MGAT4C: variants seen among roughly 807,000 people sequenced by gnomAD.
MGAT4C encodes the protein alpha-1,3-mannosyl-glycoprotein 4-beta-N-acetylglucosaminyltransferase C.
In MGAT4C, 19 loss-of-function variants were observed where a neutral mutation model predicts 40.1. The observed-to-expected ratio is 0.47, with a 90% CI of 0.33 to 0.70. The LOEUF is 0.70. Ranked by LOEUF, MGAT4C falls within the 30% of genes least tolerant of loss-of-function variation. The pLI, the probability that MGAT4C is intolerant of heterozygous loss-of-function variation, is 0.02. For missense variants in MGAT4C, 491 were observed against 563.2 expected, an observed-to-expected ratio of 0.87 and a Z score of 1.30; for synonymous variants, 181 against 187.1, an observed-to-expected ratio of 0.97 and a Z score of 0.27.
intron 3 of MGAT4C, among the ~76,000 whole-genome samples, chr12:86,354,376 G>C (rs540453930): frequency 2.6e-4 from 39 of 152,230 alleles, no homozygotes; most frequent in African/African-American, 9.1e-4. Context: ...ACTAGGCATA[G>C]CTCAACTACT....
chr12:86,509,590 C>T (rs1164037389), intron 2 of MGAT4C, among the ~76,000 whole-genome samples: 1 of 152,000 alleles, frequency 6.6e-6, no homozygotes, highest in East Asian at 1.9e-4. Flanking sequence ...TTTTCCAATT[C>T]TGTGAAGAAA....
intron 2 of MGAT4C, among the ~76,000 whole-genome samples, chr12:86,704,354 AC>A (rs1950419086): frequency 6.6e-6 from 1 of 152,020 alleles, no homozygotes; most frequent in South Asian, 2.1e-4. Context: ...CTTACCTTTG[AC>A]CAAAATACAA....
intron 1 of MGAT4C, among the ~76,000 whole-genome samples, chr12:86,194,867 C>T (rs1477484334): frequency 2.6e-5 from 4 of 152,152 alleles, no homozygotes; most frequent in Admixed American, 6.5e-5. Flanking sequence ...CAGTTGAAAG[C>T]CTGAAGTGTT....
At chr12:86,049,064 A>G (rs2136962053) in intron 2 of MGAT4C, among the ~76,000 whole-genome samples, 1 of 152,212 alleles carries the variant, frequency 6.6e-6, no homozygotes, top group Non-Finnish European at 1.5e-5. Flanking sequence ...GCAGATAGAC[A>G]AGGTGTAAAG....
chr12:86,525,488 T>C (rs1958865314), intron 2 of MGAT4C, among the ~76,000 whole-genome samples: 4 of 152,208 alleles, frequency 2.6e-5, no homozygotes, highest in African/African-American at 9.6e-5. Context: ...AGAGGTAGTG[T>C]GGTTGTTTGG....
intron 4 of MGAT4C, among the ~76,000 whole-genome samples, chr12:86,287,438 G>C (rs1953382119): frequency 6.6e-6 from 1 of 151,592 alleles, no homozygotes; most frequent in African/African-American, 2.4e-5. Flanking sequence ...AACGTGCCAT[G>C]GTGGTTTGCT....
intron 4 of MGAT4C, chr12:86,334,022 T>A (rs753892600): frequency 6.6e-6 from 1 of 152,154 alleles, no homozygotes; most frequent in Non-Finnish European, 1.5e-5. Context: ...AGGACAGTTA[T>A]ATAGCATAGT....
At chr12:86,421,872 A>T (rs1275270588) in intron 3 of MGAT4C, among the ~76,000 whole-genome samples, 1 of 152,220 alleles carries the variant, frequency 6.6e-6, no homozygotes. Context: ...CTGGTATATG[A>T]TCAAGGAAAT....
intron 2 of MGAT4C, among the ~76,000 whole-genome samples, chr12:86,550,810 C>A (rs1959317204): frequency 6.6e-6 from 1 of 152,176 alleles, no homozygotes. Context: ...TCTGAGTTAC[C>A]AAGCAGTTGA....
In MGAT4C at chr12:86,362,978, G is replaced by C. The variant is rs535873934; in HGVS notation, c.-119-28851C>G. ...AAGGCAAACAATATAAAGACCAAAG[G>C]GTCAATTCATTAAGAAGTAATAGTA... On this transcript the variant is annotated intron_variant, in intron 3 of 7. Coordinates refer to the MGAT4C transcript ENST00000548651. Among the ~76,000 whole-genome samples, 8 of 151,814 alleles carry C rather than the reference G, an allele frequency of 5.3e-5. 1 individual carries two copies. The highest frequency in any genetic ancestry group is 1.9e-4 in the African/African-American group (8 of 41,404).
chr12:86,357,990 T>C (rs1485291926), intron 3 of MGAT4C, among the ~76,000 whole-genome samples: 1 of 152,062 alleles, frequency 6.6e-6, no homozygotes, highest in Non-Finnish European at 1.5e-5. Context: ...ACCACAGCGA[T>C]ACTCCTCGAG....
intron 2 of MGAT4C, among the ~76,000 whole-genome samples, chr12:86,521,249 T>C (rs1205115512): frequency 2.0e-5 from 3 of 152,096 alleles, no homozygotes; most frequent in Non-Finnish European, 2.9e-5. Context: ...GTTTTGTATA[T>C]GGTGTAAGAA....
rs527830312 is a variant in MGAT4C, at chr12:86,757,868, C to A, written c.-261-30627G>T. ...TTCAGCTAAAACCATAGCCTCACCT[C>A]AATTTTAACAGTTGAAATTCTTATG... On this transcript the variant is annotated intron_variant, in intron 1 of 7. Transcript: ENST00000548651. Among the ~76,000 whole-genome samples the A allele has an allele frequency of 2.6e-4, 40 of 152,210 alleles. No individual in the cohort carries two copies. The South Asian group carries it at 8.1e-3, about 31-fold the overall frequency.
At chr12:86,617,953 C>A (rs1962509281) in intron 2 of MGAT4C, among the ~76,000 whole-genome samples, 1 of 151,910 alleles carries the variant, frequency 6.6e-6, no homozygotes, top group Non-Finnish European at 1.5e-5. Flanking sequence ...GAACTAATAC[C>A]CAGAATATGT....
At chr12:86,788,904 A>G (rs1189423393) in intron 1 of MGAT4C, among the ~76,000 whole-genome samples, 1 of 152,174 alleles carries the variant, frequency 6.6e-6, no homozygotes, top group African/African-American at 2.4e-5. Context: ...TTTGTAGCCA[A>G]TGTATAAAAT....
intron 1 of MGAT4C, among the ~76,000 whole-genome samples, chr12:86,163,704 G>T (rs955201552): frequency 2.6e-5 from 4 of 152,070 alleles, no homozygotes; most frequent in African/African-American, 9.7e-5. Flanking sequence ...ACAACTTTAT[G>T]AAATTCTAAC....
At chr12:86,152,994 A>G (rs993959258) in intron 1 of MGAT4C, among the ~76,000 whole-genome samples, 2 of 152,068 alleles carry the variant, frequency 1.3e-5, no homozygotes, top group Non-Finnish European at 2.9e-5. Context: ...CAATAATATT[A>G]CACCCTGATC....
At chr12:86,138,113 T>C (rs1421120151) in intron 1 of MGAT4C, among the ~76,000 whole-genome samples, 1 of 152,052 alleles carries the variant, frequency 6.6e-6, no homozygotes, top group Non-Finnish European at 1.5e-5. Flanking sequence ...GAAGACATGA[T>C]TAAATACTCC....
intron 2 of MGAT4C, among the ~76,000 whole-genome samples, chr12:86,607,894 C>T (rs997940436): frequency 1.3e-5 from 2 of 151,938 alleles, no homozygotes; most frequent in Non-Finnish European, 2.9e-5. Flanking sequence ...ATCTTTATGC[C>T]ATCATTATTT....
Sources: allele counts gnomAD v4.1 joint callset (sites outside exome capture counted in the v4.1 genomes callset), GRCh38; gene constraint gnomAD v4.1.1; transcripts MANE v1.5; gene names NCBI Gene and HGNC (gene_info 2026-07-23, HGNC 2026-07-21).